Variants in ABLIM2 observed in about 807,000 individuals in gnomAD.
ABLIM2 encodes actin-binding LIM protein 2.
Under a neutral mutation model 97.7 loss-of-function variants are expected in ABLIM2, and 53 were observed. That is an observed-to-expected ratio of 0.54 (90% CI 0.44 to 0.68). The LOEUF (loss-of-function observed/expected upper bound fraction) is 0.68. Ranked by LOEUF, ABLIM2 falls within the 30% of genes least tolerant of loss-of-function variation. The pLI, the probability that ABLIM2 is intolerant of heterozygous loss-of-function variation, is 0.00. For missense variants in ABLIM2, 835 were observed against 867.2 expected (o/e 0.96, Z 0.47); for synonymous variants, 361 against 345.8 (o/e 1.04, Z -0.49).
At position 8,095,449 on chromosome 4, in the gene ABLIM2, C is replaced by T. The variant is rs530509413; in HGVS notation, c.338+1650G>A. Among the ~76,000 whole-genome samples, 17 of 152,254 alleles carry T rather than the reference C, an allele frequency of 1.1e-4. No homozygotes were observed. The South Asian group carries it at 1.9e-3, about 17-fold the overall frequency. ...GGACACTGAACACTTATAAATTTTA[C>T]GTTGTTGAATGCTGGATTTTTAAAA... On this transcript the variant is annotated intron_variant, in intron 3 of 20. Coordinates refer to ENST00000447017, the MANE Select transcript of ABLIM2 (RefSeq NM_001130083.2). The surrounding 1 kb of genome is among the most constrained non-coding windows in gnomAD (Gnocchi z 4.7).
At chr4:8,007,571 T>G (rs1762252049) in intron 16 of ABLIM2, 1 of 986,956 alleles carries the variant, frequency 1.0e-6, no homozygotes, top group African/African-American at 1.7e-5. Context: ...AAAACACCCC[T>G]AGGGTCAGGC....
At chr4:8,027,422 C>T (rs1259638317) in intron 12 of ABLIM2, among the ~76,000 whole-genome samples, 2 of 152,188 alleles carry the variant, frequency 1.3e-5, no homozygotes, top group Admixed American at 6.5e-5. Context: ...CCTGTGCCCC[C>T]CGGCTGACAC....
Position 8,029,727 on chromosome 4 carries a change from C to T in ABLIM2, c.1097G>A (p.Ser366Asn). 1.9e-6 allele frequency: 3 copies of T among 1,556,986 alleles called. No individual in the cohort carries two copies. The highest frequency in any genetic ancestry group is 2.6e-6 in the Non-Finnish European group (3 of 1,150,508). Residue 366 changes from serine to asparagine, a missense_variant, in exon 11 of 21, where the codon AGC becomes AAC. Ser to Asn is a conservative substitution (Grantham distance 46). Coordinates refer to ENST00000447017, the MANE Select transcript of ABLIM2 (RefSeq NM_001130083.2). ...CCCGAGGCTAACCGACCCAGTGGAG[C>T]TTGGGCTGGAGGTCCGACACTGCTT... ...SYKQCRTSSPSSTGSVSLGRY... is the reference protein window; with the variant it reads ...SYKQCRTSSPNSTGSVSLGRY...
intron 10 of ABLIM2, 21 bp downstream of exon 10, chr4:8,036,128 C>A (rs371034954): frequency 6.2e-7 from 1 of 1,612,366 alleles, no homozygotes; most frequent in Admixed American, 1.7e-5. Context: ...GTGTCCAGGG[C>A]CATGTGGGCA....
In ABLIM2 at chr4:8,002,181, G is replaced by A. The variant is rs911529149; in HGVS notation, c.1618+5878C>T. Among the ~76,000 whole-genome samples, 4 of 152,124 alleles carry A rather than the reference G, an allele frequency of 2.6e-5. No homozygotes were observed. The highest frequency in any genetic ancestry group is 9.7e-5 in the African/African-American group (4 of 41,414). On this transcript the variant is annotated intron_variant, in intron 16 of 20. Coordinates refer to ENST00000447017, the MANE Select transcript of ABLIM2 (RefSeq NM_001130083.2). The surrounding 1 kb of genome is among the most constrained non-coding windows in gnomAD (Gnocchi z 6.1). ...ACCCTCAGTCTCTGCCTCCAGCCTG[G>A]ACCTCTCCTCTGAGCTCCGTCTGCC...
chr4:8,085,308 G>C lies in ABLIM2; in HGVS notation c.454+2861C>G, dbSNP rs1404648538. Among the ~76,000 whole-genome samples the C allele has an allele frequency of 6.6e-6, 1 of 152,088 alleles. No individual in the cohort carries two copies. The highest frequency in any genetic ancestry group is 2.4e-5 in the African/African-American group (1 of 41,426). On this transcript the variant is annotated intron_variant, in intron 4 of 20. Transcript: ENST00000447017. This position sits in a 1 kb window ranked among gnomAD's most constrained non-coding sequence, Gnocchi z 6.1. The stretch of plus-strand genomic sequence containing the variant: ...CAGACGGTGCTGCTTCCTACATTCT[G>C]GACTGACTTGACTCTACCCCACTCC...
intron 2 of ABLIM2, 31 bp from the exon 3 acceptor site, chr4:8,097,313 G>A (rs370185926): frequency 4.0e-5 from 62 of 1,548,758 alleles, no homozygotes; most frequent in African/African-American, 4.0e-4. Context: ...TGGCGTTAGC[G>A]GCAGAGGGGA....
intron 8 of ABLIM2, among the ~76,000 whole-genome samples, chr4:8,051,550 G>A (rs1560973820): frequency 8.3e-6 from 1 of 120,514 alleles, no homozygotes; most frequent in African/African-American, 3.4e-5. Context: ...AAGACAGAGC[G>A]AGATTCCATC....
rs997279342 is a variant in ABLIM2 at position 8,085,483 on chromosome 4, G to C, written c.454+2686C>G. 6.6e-6 allele frequency among the ~76,000 whole-genome samples: 1 copy of C among 151,636 alleles called. No individual in the cohort carries two copies. The highest frequency in any genetic ancestry group is 2.4e-5 in the African/African-American group (1 of 41,286). ...GCCCCGTCCACTCACACGGGTCTGG[G>C]GGTGCCCACGCTGCAGTCCCGTCCA... On this transcript the variant is annotated intron_variant, in intron 4 of 20. Transcript: ENST00000447017. This position sits in a 1 kb window ranked among gnomAD's most constrained non-coding sequence, Gnocchi z 6.1.
intron 1 of ABLIM2, among the ~76,000 whole-genome samples, chr4:8,134,051 G>A (rs1246058564): frequency 1.3e-5 from 2 of 152,214 alleles, no homozygotes; most frequent in Non-Finnish European, 2.9e-5. Flanking sequence ...GCTGCCATGG[G>A]CACAGGCGGG....
rs4696663 is a variant in ABLIM2, at chr4:7,992,249, C to A, written c.1680+617G>T. ...CTGGCCCCTCTGCAAGGCAATCAGC[C>A]CCCAGATTGTCTGGGCTCATATTCA... On this transcript the variant is annotated intron_variant, in intron 17 of 20. Transcript: ENST00000447017. This position sits in a 1 kb window ranked among gnomAD's most constrained non-coding sequence, Gnocchi z 5.7. Among the ~76,000 whole-genome samples the A allele has an allele frequency of 6.6e-6, 1 of 151,970 alleles. No individual in the cohort carries two copies. The highest frequency in any genetic ancestry group is 2.4e-5 in the African/African-American group (1 of 41,376).
In ABLIM2 at chr4:8,148,760, C is replaced by G. The variant is rs975337663; in HGVS notation, c.10+9920G>C. ...GTCGGAAAGATCCTCTAGGACAAGC[C>G]CAACCCCAACAGAGATGAGGAGGCC... On this transcript the variant is annotated intron_variant, in intron 1 of 20. Transcript: ENST00000447017. The surrounding 1 kb of genome is among the most constrained non-coding windows in gnomAD (Gnocchi z 6.7). 6.6e-6 allele frequency among the ~76,000 whole-genome samples: 1 copy of G among 152,198 alleles called. No individual in the cohort carries two copies. The highest frequency in any genetic ancestry group is 1.5e-5 in the Non-Finnish European group (1 of 68,038).
chr4:8,040,393 C>T (rs1193334013), intron 9 of ABLIM2, among the ~76,000 whole-genome samples: 1 of 152,028 alleles, frequency 6.6e-6, no homozygotes, highest in Admixed American at 6.6e-5. Context: ...GGTGGGTCAC[C>T]TGAGGCCAGG....
intron 1 of ABLIM2, among the ~76,000 whole-genome samples, 165 bp downstream of exon 1, chr4:8,158,515 T>G (rs1016887980): frequency 1.3e-5 from 2 of 152,004 alleles, no homozygotes; most frequent in African/African-American, 2.4e-5. Flanking sequence ...GGCAGAGGGC[T>G]GCGCTCTGGC....
chr4:7,990,112 A>T (rs1413692366), intron 17 of ABLIM2, among the ~76,000 whole-genome samples: 3 of 152,186 alleles, frequency 2.0e-5, no homozygotes, highest in African/African-American at 4.8e-5. Flanking sequence ...CTCTTCCATC[A>T]GACAGTGAGG....
At chr4:8,108,370 G>A (rs1398490175) in intron 1 of ABLIM2, among the ~76,000 whole-genome samples, 1 of 152,236 alleles carries the variant, frequency 6.6e-6, no homozygotes, top group Non-Finnish European at 1.5e-5. Context: ...CTCATTGACA[G>A]ACTGAACACA....
At chr4:7,979,305 G>A (rs1486677932) in intron 20 of ABLIM2, among the ~76,000 whole-genome samples, 2 of 152,228 alleles carry the variant, frequency 1.3e-5, no homozygotes, top group African/African-American at 4.8e-5. Context: ...AGGACTGACC[G>A]CACTGACTGG....
intron 1 of ABLIM2, among the ~76,000 whole-genome samples, chr4:8,115,191 TCAGC>T (rs1842286760): frequency 6.6e-6 from 1 of 152,176 alleles, no homozygotes; most frequent in Non-Finnish European, 1.5e-5. Flanking sequence ...CATGCCCCTC[TCAGC>T]ATCACTGTCA....
chr4:8,072,806 G>C lies in ABLIM2; in HGVS notation c.675+4822C>G, dbSNP rs146844477. On this transcript the variant is annotated intron_variant, in intron 6 of 20. Coordinates refer to ENST00000447017, the MANE Select transcript of ABLIM2 (RefSeq NM_001130083.2). This position sits in a 1 kb window ranked among gnomAD's most constrained non-coding sequence, Gnocchi z 5.8. ...CTGGCTGAGCATCAGAGCCACCAGC[G>C]CATAAGAGGAGCAGGGTCAGGGACA... Among the ~76,000 whole-genome samples the C allele has an allele frequency of 6.6e-6, 1 of 152,172 alleles. No homozygotes were observed. The highest frequency in any genetic ancestry group is 6.5e-5 in the Admixed American group (1 of 15,278).
Sources: allele counts gnomAD v4.1 joint callset (sites outside exome capture counted in the v4.1 genomes callset), GRCh38; gene constraint gnomAD v4.1.1; non-coding constraint Gnocchi (gnomAD v3.1); transcripts MANE v1.5; gene names NCBI Gene and HGNC (gene_info 2026-07-23, HGNC 2026-07-21).